NTN4: variants seen among roughly 807,000 people sequenced by gnomAD.
NTN4 encodes the protein netrin-4.
NTN4 carries 32 observed loss-of-function variants against 73.6 expected under a neutral mutation model. The ratio of observed to expected loss-of-function variants is 0.44; its 90% CI spans 0.33 to 0.58. NTN4 has a LOEUF of 0.58. NTN4 is among the 20% of genes least tolerant of loss of function. The probability of loss-of-function intolerance (pLI) is 0.04; values close to 1 mark genes in which losing one functional copy is unlikely to be tolerated. For missense variants in NTN4, 654 were observed against 798.3 expected (o/e 0.82, Z 2.18); for synonymous variants, 258 against 287.5 (o/e 0.90, Z 1.04).
At chr12:95,664,595 TAATC>T (rs5800225) in intron 9 of NTN4, among the ~76,000 whole-genome samples, 135,421 of 151,450 alleles carry the variant, frequency 0.89, 60,799 homozygotes, top group East Asian at 1. Flanking sequence ...TCAAATTTAT[TAATC>T]AATCAAAGAC....
At chr12:95,746,913 T>C (rs553392945) in intron 2 of NTN4, among the ~76,000 whole-genome samples, 1 of 147,568 alleles carries the variant, frequency 6.8e-6, no homozygotes, top group African/African-American at 2.4e-5. Context: ...GTTTCACATA[T>C]TTTGTCCAGT....
chr12:95,733,005 C>A (rs1472169725), intron 3 of NTN4, among the ~76,000 whole-genome samples: 1 of 152,184 alleles, frequency 6.6e-6, no homozygotes, highest in African/African-American at 2.4e-5. Flanking sequence ...GACTTAGACG[C>A]ATCAGTCAAA....
chr12:95,785,188 G>C (rs1372845698), intron 2 of NTN4, among the ~76,000 whole-genome samples: 4 of 152,160 alleles, frequency 2.6e-5, no homozygotes, highest in African/African-American at 9.7e-5. Context: ...TTTGCTAAAT[G>C]AGCATGCCTG....
At chr12:95,757,655 A>G (rs922572375) in intron 2 of NTN4, among the ~76,000 whole-genome samples, 2 of 151,526 alleles carry the variant, frequency 1.3e-5, no homozygotes, top group African/African-American at 2.4e-5. Flanking sequence ...ATCTATGGTT[A>G]GAGCTCAGAA....
intron 3 of NTN4, among the ~76,000 whole-genome samples, chr12:95,715,606 G>A (rs1161468651): frequency 6.6e-6 from 1 of 152,060 alleles, no homozygotes; most frequent in East Asian, 1.9e-4. Flanking sequence ...ATCCAGGCAA[G>A]CTCTAAAGAC....
intron 2 of NTN4, among the ~76,000 whole-genome samples, chr12:95,739,149 T>A (rs893412114): frequency 1.3e-5 from 2 of 152,234 alleles, no homozygotes; most frequent in African/African-American, 4.8e-5. Context: ...AAGTATTCAA[T>A]AAATTTTTGG....
At chr12:95,759,897 A>G (rs1475517431) in intron 2 of NTN4, among the ~76,000 whole-genome samples, 1 of 152,194 alleles carries the variant, frequency 6.6e-6, no homozygotes, top group Non-Finnish European at 1.5e-5. Flanking sequence ...TATTTATAGT[A>G]GATGATCTAA....
chr12:95,785,717 T>A (rs2079162528), intron 2 of NTN4, among the ~76,000 whole-genome samples: 1 of 152,156 alleles, frequency 6.6e-6, no homozygotes, highest in Non-Finnish European at 1.5e-5. Context: ...ATACAGTGCC[T>A]GAGGGGGTCA....
At chr12:95,690,342 T>C (rs1592666819) in intron 5 of NTN4, among the ~76,000 whole-genome samples, 1 of 152,324 alleles carries the variant, frequency 6.6e-6, no homozygotes, top group East Asian at 1.9e-4. Context: ...TAAAACAGTC[T>C]TGGTCCTTAA....
Position 95,781,350 on chromosome 12 carries a change from T to C in NTN4, c.585+5589A>G, listed in dbSNP as rs191898505. Among the ~76,000 whole-genome samples the C allele has an allele frequency of 6.6e-6, 1 of 152,284 alleles. No individual in the cohort carries two copies. Among genetic ancestry groups the C allele is most frequent in the Admixed American group, 6.5e-5 (1 of 15,286 alleles). On this transcript the variant is annotated intron_variant, in intron 2 of 9. Transcript: ENST00000343702. The surrounding 1 kb of genome is among the most constrained non-coding windows in gnomAD (Gnocchi z 4.1). ...CATTACCATAAAGCAAATGTGACCC[T>C]TAATTATAGGTTTTGTTCACTCATG... is the stretch of plus-strand genomic sequence containing the variant.
upstream of NTN4, chr12:95,790,767 G>T: frequency 6.6e-6 from 1 of 152,432 alleles, no homozygotes; most frequent in South Asian, 2.0e-4. This position sits in a 1 kb window ranked among gnomAD's most constrained non-coding sequence, Gnocchi z 6.5. Flanking sequence ...CCTTCTCCAC[G>T]GGCAGTTCCA....
At chr12:95,732,841 A>C (rs2078748273) in intron 3 of NTN4, among the ~76,000 whole-genome samples, 1 of 152,222 alleles carries the variant, frequency 6.6e-6, no homozygotes, top group Non-Finnish European at 1.5e-5. Context: ...GAAAACATAA[A>C]TACATGAATG....
chr12:95,752,056 C>G (rs533427423), intron 2 of NTN4, among the ~76,000 whole-genome samples: 8 of 151,890 alleles, frequency 5.3e-5, no homozygotes, highest in South Asian at 2.1e-4. Flanking sequence ...TGTATCCCCC[C>G]ACCTTAACCC....
At chr12:95,682,387 G>C (rs1178043226) in intron 7 of NTN4, among the ~76,000 whole-genome samples, 3 of 148,224 alleles carry the variant, frequency 2.0e-5, no homozygotes, top group Non-Finnish European at 4.5e-5. Context: ...ACATACCAAA[G>C]TATTAACAGT....
At chr12:95,772,457 A>G (rs941275629) in intron 2 of NTN4, among the ~76,000 whole-genome samples, 3 of 152,134 alleles carry the variant, frequency 2.0e-5, no homozygotes, top group Non-Finnish European at 4.4e-5. Context: ...CTCCCTTGGC[A>G]ATCTCATCCA....
chr12:95,699,701 C>T (rs556270936), intron 5 of NTN4, among the ~76,000 whole-genome samples: 33 of 152,090 alleles, frequency 2.2e-4, no homozygotes, highest in African/African-American at 8.0e-4. Flanking sequence ...GGTAGGTAGC[C>T]ATGAAACCAG....
At chr12:95,770,533 G>A (rs2079049983) in intron 2 of NTN4, among the ~76,000 whole-genome samples, 1 of 152,066 alleles carries the variant, frequency 6.6e-6, no homozygotes, top group African/African-American at 2.4e-5. Flanking sequence ...CTATTTACTG[G>A]GACACAGAAT....
At chr12:95,785,011 C>G (rs76629482) in intron 2 of NTN4, among the ~76,000 whole-genome samples, 18,644 of 152,200 alleles carry the variant, frequency 0.12, 1,525 homozygotes, top group Non-Finnish European at 0.18. Context: ...AATAAATTTG[C>G]AATAAATTCA....
intron 9 of NTN4, among the ~76,000 whole-genome samples, chr12:95,662,957 CACAA>C (rs1238032400): frequency 6.6e-6 from 1 of 151,748 alleles, no homozygotes; most frequent in Non-Finnish European, 1.5e-5. Context: ...TCTACAAAAA[CACAA>C]ACAAACAAAA....
Sources: allele counts gnomAD v4.1 joint callset (sites outside exome capture counted in the v4.1 genomes callset), GRCh38; gene constraint gnomAD v4.1.1; non-coding constraint Gnocchi (gnomAD v3.1); transcripts MANE v1.5; gene names NCBI Gene and HGNC (gene_info 2026-07-23, HGNC 2026-07-21).